Variants in CDADC1 observed in about 807,000 individuals in gnomAD.
CDADC1 encodes the protein cytidine and dCMP deaminase domain containing 1.
In CDADC1, 39 loss-of-function variants were observed where a neutral mutation model predicts 54.9. The observed-to-expected ratio is 0.71, with a 90% CI of 0.55 to 0.93. The LOEUF is 0.93. Among genes scored for constraint, CDADC1 ranks in the 40% least tolerant of loss-of-function variants. The pLI is 0.00. For missense variants in CDADC1, 518 were observed against 618.8 expected (o/e 0.84, Z 1.73); for synonymous variants, 186 against 204.0 (o/e 0.91, Z 0.75).
At chr13:49,249,716 G>C (rs1301784510) in intron 2 of CDADC1, among the ~76,000 whole-genome samples, 2 of 152,032 alleles carry the variant, frequency 1.3e-5, no homozygotes, top group Non-Finnish European at 2.9e-5. Flanking sequence ...CTGGGTGACA[G>C]AGCAAGACTC....
intron 2 of CDADC1, 99 bp from the exon 3 acceptor site, chr13:49,255,740 G>A: frequency 6.8e-7 from 1 of 1,474,156 alleles, no homozygotes; most frequent in Non-Finnish European, 9.2e-7. Flanking sequence ...AAAAAAAATG[G>A]TCAAAGCCAA....
chr13:49,263,609 T>TCA (rs1268047860), intron 4 of CDADC1, among the ~76,000 whole-genome samples: 2 of 152,234 alleles, frequency 1.3e-5, no homozygotes, highest in Admixed American at 1.3e-4. Flanking sequence ...GTATCTGAAA[T>TCA]GGCTGTTAAA....
At chr13:49,273,321 G>T (rs565120550) in intron 5 of CDADC1, among the ~76,000 whole-genome samples, 2 of 152,244 alleles carry the variant, frequency 1.3e-5, no homozygotes, top group South Asian at 4.2e-4. Context: ...ATGCCTTAGG[G>T]TAAGTTCACA....
At position 49,278,405 on chromosome 13, in the gene CDADC1, T is replaced by A. The variant is rs775509080; in HGVS notation, c.1106T>A (p.Phe369Tyr). The change falls in exon 7 of 10, where the codon TTT (phenylalanine) becomes TAT (tyrosine). Residue 369 changes from phenylalanine to tyrosine, a missense_variant. Phe to Tyr is a conservative substitution (Grantham distance 22). Coordinates refer to ENST00000251108, the MANE Select transcript of CDADC1 (RefSeq NM_030911.4). ...TTTGTAGGATGTGGTTACAATGCTT[T>A]TCCTGTTGGATCTGAGTATGCTGAC... Reference protein sequence around the residue: ...MYFVGCGYNAFPVGSEYADFP... With the variant: ...MYFVGCGYNAYPVGSEYADFP... 3 of 1,603,464 alleles carry A rather than the reference T, an allele frequency of 1.9e-6. No homozygotes were observed. In the Admixed American group the frequency reaches 5.0e-5, roughly 27 times the overall value.
At chr13:49,250,111 A>T (rs1952391047) in intron 2 of CDADC1, among the ~76,000 whole-genome samples, 1 of 152,202 alleles carries the variant, frequency 6.6e-6, no homozygotes, top group African/African-American at 2.4e-5. Context: ...AATCTTAAGC[A>T]TGAGGTTTTT....
chr13:49,256,038 G>A, intron 3 of CDADC1, 125 bp downstream of exon 3: 3 of 1,328,424 alleles, frequency 2.3e-6, no homozygotes, highest in Non-Finnish European at 3.0e-6. Flanking sequence ...TTCTAAAAAT[G>A]GTCTGTATAT....
chr13:49,248,281 A>G, intron 1 of CDADC1, 162 bp downstream of exon 1: 1 of 609,240 alleles, frequency 1.6e-6, no homozygotes, highest in Non-Finnish European at 2.9e-6. Context: ...GGTCGCCAGG[A>G]CCAATCGGCT....
At chr13:49,249,916 T>A (rs532679692) in intron 2 of CDADC1, among the ~76,000 whole-genome samples, 1 of 152,264 alleles carries the variant, frequency 6.6e-6, no homozygotes, top group Non-Finnish European at 1.5e-5. Context: ...TTTGATAATT[T>A]TGGAAGCTTA....
chr13:49,255,101 C>G (rs1952513843), intron 2 of CDADC1, among the ~76,000 whole-genome samples: 2 of 152,200 alleles, frequency 1.3e-5, no homozygotes, highest in South Asian at 4.1e-4. Context: ...CCTTCAGACA[C>G]TCTACGGGAG....
At chr13:49,264,465 C>T (rs762602165) in intron 4 of CDADC1, among the ~76,000 whole-genome samples, 4 of 149,014 alleles carry the variant, frequency 2.7e-5, no homozygotes, top group Non-Finnish European at 4.4e-5. Flanking sequence ...CCCACACCTG[C>T]AATCCCAACA....
intron 8 of CDADC1, among the ~76,000 whole-genome samples, chr13:49,281,307 ATC>A (rs1047072996): frequency 6.6e-6 from 1 of 152,098 alleles, no homozygotes; most frequent in South Asian, 2.1e-4. Context: ...TCTCTGACCC[ATC>A]TCTTCCCTCT....
intron 8 of CDADC1, among the ~76,000 whole-genome samples, chr13:49,285,473 C>T (rs945650149): frequency 6.6e-6 from 1 of 152,128 alleles, no homozygotes; most frequent in South Asian, 2.1e-4. Flanking sequence ...CTGTGCATGG[C>T]CTATCTTGGT....
intron 1 of CDADC1, 145 bp downstream of exon 1, chr13:49,248,264 C>G (rs1952342608): frequency 1.4e-6 from 1 of 701,888 alleles, no homozygotes; most frequent in African/African-American, 1.8e-5. Flanking sequence ...CTGCGTGTCC[C>G]CTCCGCGGTC....
chr13:49,280,862 T>C (rs1404165061), intron 8 of CDADC1, among the ~76,000 whole-genome samples, 164 bp downstream of exon 8: 2 of 151,160 alleles, frequency 1.3e-5, no homozygotes, highest in Admixed American at 6.6e-5. Flanking sequence ...AGACAGAGTC[T>C]CTCTCTGTTG....
At chr13:49,267,363 T>G (rs7334929) in intron 4 of CDADC1, 127 bp from the exon 5 acceptor site, 542,942 of 809,380 alleles carry the variant, frequency 0.67, 185,267 homozygotes, top group South Asian at 0.78. Context: ...ATATAATAGG[T>G]GACTTGGTAA....
chr13:49,249,390 T>A (rs1004842117), intron 2 of CDADC1, among the ~76,000 whole-genome samples: 1 of 152,236 alleles, frequency 6.6e-6, no homozygotes, highest in Non-Finnish European at 1.5e-5. Flanking sequence ...AATTGATTAA[T>A]GTTGGATGGA....
intron 9 of CDADC1, among the ~76,000 whole-genome samples, chr13:49,288,077 T>C (rs1054186547): frequency 6.6e-6 from 1 of 151,984 alleles, no homozygotes; most frequent in African/African-American, 2.4e-5. Flanking sequence ...GTATCTAGGA[T>C]TTATTATTCC....
chr13:49,292,908 TCTCAG>T lies in CDADC1; in HGVS notation c.*1152_*1156del. The stretch of plus-strand genomic sequence containing the variant: ...GGCCTCACTGGGCTTCCTACCAGTT[TCTCAG>T]AATTACACGCACGACCATCCAAACA... On this transcript the variant is annotated 3_prime_UTR_variant, in exon 10 of 10. Coordinates refer to ENST00000251108, the MANE Select transcript of CDADC1 (RefSeq NM_030911.4). 1.6e-6 allele frequency: 1 copy of T among 628,106 alleles called. No homozygotes were observed. Among genetic ancestry groups the T allele is most frequent in the South Asian group, 1.8e-5 (1 of 54,474 alleles). 38.9% of individuals were successfully genotyped at this position (628,106 alleles called of 1,614,324 possible). A position where few individuals can be genotyped will look rare whatever the true frequency, so the allele number is the denominator to read the frequency against.
At chr13:49,255,755 G>A in intron 2 of CDADC1, 84 bp from the exon 3 acceptor site, 1 of 1,542,280 alleles carries the variant, frequency 6.5e-7, no homozygotes, top group Admixed American at 2.1e-5. Context: ...AGCCAAGGAA[G>A]CCAGCCTTTA....
Sources: gnomAD v4.1 joint callset for allele counts (sites outside exome capture counted in the v4.1 genomes callset) on GRCh38, gnomAD v4.1.1 for gene constraint, MANE v1.5 for transcripts, NCBI Gene and HGNC (gene_info 2026-07-23, HGNC 2026-07-21) for gene names.